The following COL27A1 variants were observed in gnomAD, a reference collection of about 807,000 sequenced individuals.
COL27A1 encodes the protein collagen alpha-1(XXVII) chain.
Under a neutral mutation model 251.3 loss-of-function variants are expected in COL27A1, and 106 were observed. That is an observed-to-expected ratio of 0.42 (90% CI 0.36 to 0.50). The LOEUF (loss-of-function observed/expected upper bound fraction) is 0.50. COL27A1 is among the 20% of genes least tolerant of loss of function. The probability of loss-of-function intolerance (pLI) is 0.00; values close to 1 mark genes in which losing one functional copy is unlikely to be tolerated. For synonymous variants in COL27A1, 1,000 were observed against 986.3 expected (o/e 1.01, Z -0.26); for missense variants, 2,325 against 2,522.8 (o/e 0.92, Z 1.68).
upstream of COL27A1, among the ~76,000 whole-genome samples, chr9:114,154,204 C>T (rs1847995663): frequency 1.3e-5 from 2 of 152,038 alleles, no homozygotes; most frequent in Admixed American, 6.5e-5. The surrounding 1 kb of genome is among the most constrained non-coding windows in gnomAD (Gnocchi z 5.8). Context: ...CAGTCCCGCG[C>T]GCCCATGCCC....
chr9:114,308,627 C>G (rs1159741881), intron 59 of COL27A1, among the ~76,000 whole-genome samples: 3 of 152,210 alleles, frequency 2.0e-5, no homozygotes, highest in Non-Finnish European at 4.4e-5. Context: ...CCTGGTGACT[C>G]GAAGGTTTTG....
chr9:114,228,684 G>A (rs978099130), intron 14 of COL27A1, among the ~76,000 whole-genome samples: 7 of 152,206 alleles, frequency 4.6e-5, no homozygotes, highest in Admixed American at 4.6e-4. Flanking sequence ...GCTGTGGTGA[G>A]GAATTACTGG....
intron 1 of COL27A1, among the ~76,000 whole-genome samples, chr9:114,160,715 A>C (rs1353037185): frequency 1.3e-5 from 2 of 151,844 alleles, no homozygotes; most frequent in Non-Finnish European, 2.9e-5. Context: ...TAAGACAGGC[A>C]TCCTTGCCCT....
At chr9:114,217,056 C>T (rs1052889605) in intron 12 of COL27A1, among the ~76,000 whole-genome samples, 1 of 152,152 alleles carries the variant, frequency 6.6e-6, no homozygotes, top group Non-Finnish European at 1.5e-5. Flanking sequence ...ATCACAGTTT[C>T]CTCATCTCAA....
intron 36 of COL27A1, 109 bp downstream of exon 36, chr9:114,270,890 T>C (rs1409839968): frequency 5.8e-6 from 5 of 862,296 alleles, no homozygotes; most frequent in Admixed American, 2.4e-5. Flanking sequence ...AGATCTGAGA[T>C]GACAGCTCCA....
chr9:114,275,294 C>A (rs1305750043), intron 36 of COL27A1, among the ~76,000 whole-genome samples: 1 of 152,014 alleles, frequency 6.6e-6, no homozygotes, highest in African/African-American at 2.4e-5. Flanking sequence ...CTTCATAAGA[C>A]TCTTGTTCTC....
At chr9:114,217,442 G>A (rs1387613790) in intron 12 of COL27A1, among the ~76,000 whole-genome samples, 2 of 151,136 alleles carry the variant, frequency 1.3e-5, no homozygotes, top group Admixed American at 1.3e-4. Flanking sequence ...GCCTGGAATG[G>A]CCTCTGAATG....
At chr9:114,223,617 AACC>A (rs1345736893) in intron 14 of COL27A1, among the ~76,000 whole-genome samples, 1 of 152,152 alleles carries the variant, frequency 6.6e-6, no homozygotes, top group Non-Finnish European at 1.5e-5. Flanking sequence ...CTCTTATTAG[AACC>A]ACAGAAACAC....
intron 10 of COL27A1, among the ~76,000 whole-genome samples, chr9:114,208,171 CT>C (rs140932586): frequency 0.026 from 3,956 of 152,186 alleles, 166 homozygotes; most frequent in African/African-American, 0.09. Flanking sequence ...GGCGCGGTGG[CT>C]CGTGCCTGTA....
chr9:114,270,060 G>A (rs1490741), intron 35 of COL27A1, among the ~76,000 whole-genome samples: 49,733 of 152,060 alleles, frequency 0.33, 9,068 homozygotes, highest in African/African-American at 0.49. Context: ...GAGCTTGCTG[G>A]GAAGAAAAGT....
chr9:114,245,674 TG>T (rs372178355), intron 23 of COL27A1, among the ~76,000 whole-genome samples, 191 bp from the exon 24 acceptor site: 2 of 152,228 alleles, frequency 1.3e-5, no homozygotes, highest in African/African-American at 4.8e-5. Context: ...GAGTCATGTC[TG>T]CCTGAGGTTC....
chr9:114,170,910 GC>G (rs566870192), intron 3 of COL27A1, among the ~76,000 whole-genome samples: 87 of 152,300 alleles, frequency 5.7e-4, no homozygotes, highest in Admixed American at 1.1e-3. Context: ...AAGGGGAATT[GC>G]CCCCTCCTGA....
intron 31 of COL27A1, 44 bp downstream of exon 31, chr9:114,265,154 A>C: frequency 2.1e-5 from 11 of 529,084 alleles, no homozygotes; most frequent in East Asian, 4.3e-5. Context: ...GGGGCTTTTG[A>C]TGGGGGTGGG....
chr9:114,308,503 G>C (rs1018095049), intron 59 of COL27A1, among the ~76,000 whole-genome samples: 2 of 152,180 alleles, frequency 1.3e-5, no homozygotes, highest in African/African-American at 4.8e-5. Context: ...GTCTTTGTTG[G>C]GTCCCTATCA....
At position 114,309,272 on chromosome 9, in the gene COL27A1, A is replaced by G. The variant is rs1829284505; in HGVS notation, c.5230A>G (p.Ile1744Val). The change falls in exon 60 of 61, where the codon ATC becomes GTC. Residue 1744 changes from isoleucine to valine, a missense_variant. Physicochemically the swap from Ile to Val is conservative, Grantham distance 29. Transcript: ENST00000356083. The stretch of plus-strand genomic sequence containing the variant: ...TGCTTCTCTATAGGTCGAGTTTGCC[A>G]TCAGCCGGGTCCAGATGAATTTCCT... ...PITASKVEFA[I>V]SRVQMNFLHL... 2.5e-6 allele frequency: 4 copies of G among 1,614,168 alleles called. No individual in the cohort carries two copies. The highest frequency in any genetic ancestry group is 2.5e-6 in the Non-Finnish European group (3 of 1,180,038).
At chr9:114,158,491 G>A (rs1848272829) in intron 1 of COL27A1, among the ~76,000 whole-genome samples, 1 of 152,224 alleles carries the variant, frequency 6.6e-6, no homozygotes, top group Non-Finnish European at 1.5e-5. Flanking sequence ...TCCATGTGAT[G>A]TTTCCTCGCG....
At chr9:114,156,455 G>C (rs1471387853) in intron 1 of COL27A1, among the ~76,000 whole-genome samples, 1 of 152,050 alleles carries the variant, frequency 6.6e-6, no homozygotes, top group Non-Finnish European at 1.5e-5. Context: ...GAAATTGTCC[G>C]CAAGTTTCTA....
intron 14 of COL27A1, among the ~76,000 whole-genome samples, chr9:114,230,227 G>A (rs1476739371): frequency 6.6e-6 from 1 of 152,126 alleles, no homozygotes; most frequent in Non-Finnish European, 1.5e-5. Context: ...GGCTCCTGCT[G>A]GAAGGGCCAC....
At chr9:114,203,468 G>A (rs891458797) in intron 7 of COL27A1, among the ~76,000 whole-genome samples, 1 of 152,178 alleles carries the variant, frequency 6.6e-6, no homozygotes, top group African/African-American at 2.4e-5. Context: ...AGTTAGTACA[G>A]TAGTACTGGA....
Sources: allele counts gnomAD v4.1 joint callset (sites outside exome capture counted in the v4.1 genomes callset), GRCh38; gene constraint gnomAD v4.1.1; non-coding constraint Gnocchi (gnomAD v3.1); transcripts MANE v1.5; gene names NCBI Gene and HGNC (gene_info 2026-07-23, HGNC 2026-07-21).